Variants in AK8 observed in about 807,000 individuals in gnomAD.
AK8 encodes the protein ATP-AMP transphosphorylase 8.
Under a neutral mutation model 54.6 loss-of-function variants are expected in AK8, and 44 were observed. The ratio of observed to expected loss-of-function variants is 0.81; its 90% CI spans 0.63 to 1.04. AK8 has a LOEUF of 1.04. Ranked by LOEUF, AK8 falls within the 50% of genes least tolerant of loss-of-function variation. The pLI, the probability that AK8 is intolerant of heterozygous loss-of-function variation, is 0.00. For missense variants in AK8, 555 were observed against 613.6 expected, an observed-to-expected ratio of 0.90 and a Z score of 1.01; for synonymous variants, 239 against 245.6, an observed-to-expected ratio of 0.97 and a Z score of 0.25.
At chr9:132,776,564 C>T (rs909487681) in intron 11 of AK8, among the ~76,000 whole-genome samples, 2 of 152,216 alleles carry the variant, frequency 1.3e-5, no homozygotes, top group East Asian at 1.9e-4. Flanking sequence ...TGGATGAGGC[C>T]GTCCCTCAAA....
intron 11 of AK8, among the ~76,000 whole-genome samples, chr9:132,754,792 GTTTTTTGGTTTTTTTTTT>G (rs1472004083): frequency 6.9e-6 from 1 of 144,660 alleles, no homozygotes; most frequent in African/African-American, 2.5e-5. Flanking sequence ...ACTGATTTTT[GTTTTTTGGTTTTTTTTTT>G]TTTTTTGAGA....
Position 132,725,841 on chromosome 9 carries a change from G to T in AK8, c.1287C>A (p.Val429=), listed in dbSNP as rs765333161. 1 of 1,608,930 alleles carries T rather than the reference G, an allele frequency of 6.2e-7. No individual in the cohort carries two copies. The highest frequency in any genetic ancestry group is 1.1e-5 in the South Asian group (1 of 89,460). Residue 429 remains valine, a synonymous_variant, in exon 13 of 13, where the codon GTC becomes GTA. Transcript: ENST00000298545. ...TGTAGAACAGGTCCATTTTCAGCTTGACCTGCTCTTCAGCATCCTTTGGGT... is the reference window on the plus strand; with the variant it reads ...TGTAGAACAGGTCCATTTTCAGCTTTACCTGCTCTTCAGCATCCTTTGGGT... The part of the protein sequence containing the change: ...LQNPKDAEEQ[V]KLKMDLFYRN...
chr9:132,793,112 C>G (rs1588136741), intron 10 of AK8, among the ~76,000 whole-genome samples: 1 of 152,190 alleles, frequency 6.6e-6, no homozygotes, highest in African/African-American at 2.4e-5. Context: ...ATCCCGTAAA[C>G]TGGGTGTCTG....
chr9:132,824,681 G>A (rs114219830), intron 8 of AK8, among the ~76,000 whole-genome samples: 2,386 of 152,284 alleles, frequency 0.016, 73 homozygotes, highest in African/African-American at 0.055. Flanking sequence ...AACTGCCCCC[G>A]ATTGTGAACC....
At chr9:132,807,444 G>A (rs1414736986) in intron 10 of AK8, among the ~76,000 whole-genome samples, 1 of 152,194 alleles carries the variant, frequency 6.6e-6, no homozygotes, top group East Asian at 1.9e-4. Context: ...ACATAAACCA[G>A]CAAGGACAAG....
rs11354456 is a variant in AK8, at chr9:132,759,195, CAA to C, written c.1122-31663_1122-31662del. The stretch of plus-strand genomic sequence containing the variant: ...TGAGGGACACAGTGAGACCTGGTCT[CAA>C]AAAAAAAAAAAAAAAAAAATAGAAA... On this transcript the variant is annotated intron_variant, in intron 11 of 12. Coordinates refer to ENST00000298545, the MANE Select transcript of AK8 (RefSeq NM_152572.3). Among the ~76,000 whole-genome samples, 685 of 82,744 alleles carry C rather than the reference CAA, an allele frequency of 8.3e-3. 2 individuals carry two copies. The highest frequency in any genetic ancestry group is 0.01 in the Non-Finnish European group (416 of 40,204). The allele number at this position is 82,744 out of a possible 152,430, so 54.3% of individuals were successfully genotyped here. A position where few individuals can be genotyped will look rare whatever the true frequency, so the allele number is the denominator to read the frequency against.
chr9:132,796,157 A>G (rs1840163371), intron 10 of AK8, among the ~76,000 whole-genome samples: 1 of 152,164 alleles, frequency 6.6e-6, no homozygotes, highest in Non-Finnish European at 1.5e-5. Context: ...TCAGGCTGGG[A>G]TAGGACCCTG....
chr9:132,741,994 C>T (rs1434711986), intron 11 of AK8, among the ~76,000 whole-genome samples: 2 of 152,156 alleles, frequency 1.3e-5, no homozygotes, highest in African/African-American at 4.8e-5. Context: ...CACATAATTA[C>T]ATAGAATATC....
intron 5 of AK8, among the ~76,000 whole-genome samples, chr9:132,853,228 C>G (rs1382417826): frequency 6.6e-6 from 1 of 151,334 alleles, no homozygotes; most frequent in African/African-American, 2.4e-5. Context: ...CATGGTGACG[C>G]ATGCCTGTAA....
chr9:132,783,279 A>G (rs1386887990), intron 11 of AK8, among the ~76,000 whole-genome samples: 3 of 152,198 alleles, frequency 2.0e-5, no homozygotes, highest in African/African-American at 7.2e-5. Flanking sequence ...GGAAGCCTCT[A>G]GAAGGTGGAA....
At chr9:132,756,165 C>T (rs554379204) in intron 11 of AK8, among the ~76,000 whole-genome samples, 97 of 152,362 alleles carry the variant, frequency 6.4e-4, no homozygotes, top group African/African-American at 2.1e-3. Context: ...CCAGACTCTT[C>T]CTGGTGTACA....
intron 10 of AK8, among the ~76,000 whole-genome samples, chr9:132,802,289 C>T (rs894012482): frequency 2.3e-4 from 35 of 152,200 alleles, no homozygotes; most frequent in African/African-American, 7.7e-4. Context: ...AAGATGGCCA[C>T]GCCTTCTTTG....
intron 5 of AK8, among the ~76,000 whole-genome samples, chr9:132,834,869 C>CTTT (rs11323499): frequency 1.4e-5 from 2 of 140,778 alleles, no homozygotes; most frequent in African/African-American, 2.6e-5. Flanking sequence ...CAAGAGGTGC[C>CTTT]TTTTTTTTTT....
At chr9:132,827,796 G>T in intron 7 of AK8, 1 of 548,208 alleles carries the variant, frequency 1.8e-6, no homozygotes. Context: ...CCACAAGAAA[G>T]TCTCCTCCTT....
rs1182055981 is a variant in AK8, at chr9:132,733,729, A to G, written c.1122-6195T>C. 2.0e-5 allele frequency among the ~76,000 whole-genome samples: 3 copies of G among 152,242 alleles called. No individual in the cohort carries two copies. The East Asian group carries it at 5.8e-4, about 29-fold the overall frequency. On this transcript the variant is annotated intron_variant, in intron 11 of 12. Coordinates refer to ENST00000298545, the MANE Select transcript of AK8 (RefSeq NM_152572.3). ...TGAGAGCTACTGCTCTGTGCATGCC[A>G]CCAGCCACTGGTTTTTTGTTTTCTG...
chr9:132,742,421 C>T (rs548973989), intron 11 of AK8, among the ~76,000 whole-genome samples: 21 of 152,290 alleles, frequency 1.4e-4, no homozygotes, highest in African/African-American at 4.6e-4. Flanking sequence ...ATCCACCCAC[C>T]GTGGCCTCCC....
intron 11 of AK8, among the ~76,000 whole-genome samples, chr9:132,731,535 G>A (rs1457734022): frequency 6.6e-6 from 1 of 152,176 alleles, no homozygotes; most frequent in Non-Finnish European, 1.5e-5. Context: ...TCTCTCTGAG[G>A]GCTGGACAGG....
chr9:132,814,119 AAT>A (rs771729832), intron 10 of AK8, among the ~76,000 whole-genome samples: 8 of 151,744 alleles, frequency 5.3e-5, no homozygotes, highest in Non-Finnish European at 4.4e-5. Context: ...CTCTACAAAG[AAT>A]ACAAAAAATT....
intron 5 of AK8, among the ~76,000 whole-genome samples, chr9:132,832,337 T>C (rs969320142): frequency 3.3e-5 from 5 of 152,052 alleles, no homozygotes; most frequent in Admixed American, 2.0e-4. Context: ...AAGTCCTTGT[T>C]ATAGCCAGCC....
Sources: allele counts gnomAD v4.1 joint callset (sites outside exome capture counted in the v4.1 genomes callset), GRCh38; gene constraint gnomAD v4.1.1; transcripts MANE v1.5; gene names NCBI Gene and HGNC (gene_info 2026-07-23, HGNC 2026-07-21).